Variants in GTF3C1 observed in about 807,000 individuals in gnomAD.
GTF3C1 encodes general transcription factor IIIC subunit 1, also known as general transcription factor 3C polypeptide 1.
In GTF3C1, 57 loss-of-function variants were observed where a neutral mutation model predicts 226.7. That is an observed-to-expected ratio of 0.25 (90% CI 0.20 to 0.31). The LOEUF is 0.31. Among genes scored for constraint, GTF3C1 ranks in the 10% least tolerant of loss-of-function variants. The probability of loss-of-function intolerance (pLI) is 1.00; values close to 1 mark genes in which losing one functional copy is unlikely to be tolerated. For synonymous variants in GTF3C1, 1,090 were observed against 1,084.8 expected (o/e 1.00, Z -0.09); for missense variants, 2,217 against 2,776.1 (o/e 0.80, Z 4.53).
intron 1 of GTF3C1, among the ~76,000 whole-genome samples, chr16:27,547,332 C>G (rs1378348248): frequency 2.0e-5 from 3 of 152,174 alleles, no homozygotes; most frequent in Admixed American, 2.0e-4. Context: ...TTCACTCCCA[C>G]GAAGCCAGAT....
chr16:27,488,187 A>T (rs776402661), intron 23 of GTF3C1, 40 bp downstream of exon 23: 1 of 1,570,626 alleles, frequency 6.4e-7, no homozygotes, highest in Non-Finnish European at 8.7e-7. Flanking sequence ...AAGCCAAAAC[A>T]AAGACAAGGC....
intron 17 of GTF3C1, 40 bp downstream of exon 17, chr16:27,493,159 T>G (rs1394037908): frequency 4.8e-6 from 5 of 1,048,120 alleles, no homozygotes; most frequent in South Asian, 2.5e-5. Context: ...AGGGTTTGTT[T>G]GGACCTGCGA....
rs189568549 is a variant in GTF3C1 at position 27,494,526 on chromosome 16, G to A, written c.2778+237C>T. The stretch of plus-strand genomic sequence containing the variant: ...GAGCGAGTCTTTAAAGTATTTACCC[G>A]CCAACCACCCACCCATCCACCCAAT... On this transcript the variant is annotated intron_variant, in intron 16 of 36. Transcript: ENST00000356183. Among the ~76,000 whole-genome samples, 286 of 151,314 alleles carry A rather than the reference G, an allele frequency of 1.9e-3. 2 individuals carry two copies. Among genetic ancestry groups the A allele is most frequent in the Middle Eastern group, 6.9e-3 (2 of 290 alleles).
rs1327362302 is a variant in GTF3C1 at position 27,470,461 on chromosome 16, A to G, written c.4527-66T>C. The G allele has an allele frequency of 7.9e-7, 1 of 1,269,240 alleles. No individual in the cohort carries two copies. The highest frequency in any genetic ancestry group is 2.3e-5 in the East Asian group (1 of 43,288). 78.6% of individuals were successfully genotyped at this position (1,269,240 alleles called of 1,614,324 possible). On this transcript the variant is annotated intron_variant, in intron 30 of 36. Transcript: ENST00000356183. The surrounding 1 kb of genome is among the most constrained non-coding windows in gnomAD (Gnocchi z 4.9). ...CTGTGGGAAGCCTTCATTTGGATGG[A>G]CTATGAGCACGTCAAACCATTATGG...
chr16:27,525,811 T>A (rs2088823908), intron 6 of GTF3C1, among the ~76,000 whole-genome samples: 1 of 152,264 alleles, frequency 6.6e-6, no homozygotes, highest in Non-Finnish European at 1.5e-5. Flanking sequence ...TCTTTTCTTG[T>A]ACACCTTTTG....
chr16:27,465,147 A>T, intron 33 of GTF3C1, 113 bp downstream of exon 33: 2 of 974,568 alleles, frequency 2.1e-6, no homozygotes, highest in Non-Finnish European at 3.1e-6. Context: ...TTCAACGTTT[A>T]AAAAGAACGC....
intron 2 of GTF3C1, among the ~76,000 whole-genome samples, chr16:27,539,662 G>A (rs750558200): frequency 1.6e-4 from 24 of 152,200 alleles, no homozygotes; most frequent in African/African-American, 2.4e-4. Flanking sequence ...GAAAGTTCAC[G>A]TGTTAGAAAC....
intron 1 of GTF3C1, among the ~76,000 whole-genome samples, chr16:27,548,929 G>T (rs1315816784): frequency 6.6e-6 from 1 of 152,170 alleles, no homozygotes. Context: ...CGAGAGGTGC[G>T]GATTGTCTGA....
intron 12 of GTF3C1, among the ~76,000 whole-genome samples, chr16:27,499,501 A>G (rs2088372754): frequency 6.6e-6 from 1 of 152,174 alleles, no homozygotes; most frequent in South Asian, 2.1e-4. Flanking sequence ...CTGTCTGAGC[A>G]TCCACTCTGG....
In GTF3C1 at chr16:27,483,093, G is replaced by T. The variant is rs1381855239; in HGVS notation, c.4034C>A (p.Ala1345Glu). 33 of 1,614,202 alleles carry T rather than the reference G, an allele frequency of 2.0e-5. No individual in the cohort carries two copies. Among genetic ancestry groups the T allele is most frequent in the Non-Finnish European group, 2.8e-5 (33 of 1,180,026 alleles). The change falls in exon 26 of 37, where the codon GCA becomes GAA. Residue 1345 changes from alanine (A) to glutamate (E), a missense_variant. Coordinates refer to ENST00000356183, the MANE Select transcript of GTF3C1 (RefSeq NM_001520.4). The stretch of plus-strand genomic sequence containing the variant: ...TCGATTCATGAAATCTCCAACAAGT[G>T]CTTTATCCTGGTACACCTCGGCCAG... ...VCLAEVYQDKALVGDFMNRRG... is the reference protein window; with the variant it reads ...VCLAEVYQDKELVGDFMNRRG...
intron 6 of GTF3C1, among the ~76,000 whole-genome samples, chr16:27,512,199 C>T (rs1490181808): frequency 1.3e-5 from 2 of 152,240 alleles, no homozygotes; most frequent in African/African-American, 4.8e-5. Flanking sequence ...CCTTCTCCTG[C>T]TGGAGACCAG....
chr16:27,539,454 C>T (rs1361214775), intron 2 of GTF3C1, among the ~76,000 whole-genome samples: 1 of 152,214 alleles, frequency 6.6e-6, no homozygotes, highest in Non-Finnish European at 1.5e-5. Context: ...GGAGACTCCA[C>T]CACAATGCCT....
At chr16:27,538,530 CAAT>C (rs750878679) in intron 2 of GTF3C1, among the ~76,000 whole-genome samples, 174 bp from the exon 3 acceptor site, 1 of 152,126 alleles carries the variant, frequency 6.6e-6, no homozygotes, top group African/African-American at 2.4e-5. Context: ...CTAAAAAAGA[CAAT>C]AATAATAATA....
chr16:27,544,485 AG>A (rs2089135616), intron 2 of GTF3C1, among the ~76,000 whole-genome samples: 1 of 151,840 alleles, frequency 6.6e-6, no homozygotes, highest in Admixed American at 6.6e-5. Context: ...AGGAGGAGGA[AG>A]GGATGCATCC....
Position 27,497,625 on chromosome 16 carries a change from G to A in GTF3C1, c.2350+12C>T, listed in dbSNP as rs1237942517. 3 of 1,600,160 alleles carry A rather than the reference G, an allele frequency of 1.9e-6. No individual in the cohort carries two copies. In the African/African-American group the frequency reaches 4.0e-5, roughly 21 times the overall value. ...AAATGTAACTAAACACAGACAAGAA[G>A]CTGCAGCTTACCTACAATGGGGTGA... On this transcript the variant is annotated intron_variant, in intron 14 of 36. Coordinates refer to ENST00000356183, the MANE Select transcript of GTF3C1 (RefSeq NM_001520.4).
intron 5 of GTF3C1, among the ~76,000 whole-genome samples, chr16:27,530,630 G>C (rs1165773841): frequency 6.6e-6 from 1 of 152,230 alleles, no homozygotes; most frequent in Non-Finnish European, 1.5e-5. Flanking sequence ...CCAGGGGATA[G>C]TCATGGAAGA....
In GTF3C1 at chr16:27,461,019, G is replaced by T. The variant is rs550931362; in HGVS notation, c.*331C>A. On this transcript the variant is annotated 3_prime_UTR_variant, in exon 37 of 37. Transcript: ENST00000356183. This position sits in a 1 kb window ranked among gnomAD's most constrained non-coding sequence, Gnocchi z 5.3. ...ACTCAAGGAGCCAGGAGATCCTGCCGAGATGGCTAGAGTCTGGAATGTGAG... is the reference window on the plus strand; with the variant it reads ...ACTCAAGGAGCCAGGAGATCCTGCCTAGATGGCTAGAGTCTGGAATGTGAG... 5 of 227,724 alleles carry T rather than the reference G, an allele frequency of 2.2e-5. No homozygotes were observed. In the South Asian group the frequency reaches 6.3e-4, roughly 29 times the overall value. The allele number at this position is 227,724 out of a possible 1,614,324, so 14.1% of individuals were successfully genotyped here.
intron 6 of GTF3C1, among the ~76,000 whole-genome samples, chr16:27,527,467 G>C (rs1387126515): frequency 6.6e-6 from 1 of 152,128 alleles, no homozygotes; most frequent in East Asian, 1.9e-4. Flanking sequence ...ACAGGCGTGA[G>C]CCACCGTGCC....
chr16:27,464,491 C>A lies in GTF3C1; in HGVS notation c.5701G>T (p.Ala1901Ser). The change falls in exon 34 of 37, where the codon GCT (alanine) becomes TCT (serine). Residue 1901 changes from alanine to serine, a missense_variant. Physicochemically the swap from Ala to Ser is moderately conservative, Grantham distance 99. Transcript: ENST00000356183. ...SNLAPSLGPGAEDGAEAQAPS... is the reference protein window; with the variant it reads ...SNLAPSLGPGSEDGAEAQAPS... ...GCCTGGGCTTCTGCCCCATCTTCAG[C>A]TCCGGGCCCAAGGCTGGGGGCCAAA... 1 of 1,540,752 alleles carries A rather than the reference C, an allele frequency of 6.5e-7. No individual in the cohort carries two copies. The highest frequency in any genetic ancestry group is 1.3e-5 in the South Asian group (1 of 78,918).
Sources: allele counts gnomAD v4.1 joint callset (sites outside exome capture counted in the v4.1 genomes callset), GRCh38; gene constraint gnomAD v4.1.1; non-coding constraint Gnocchi (gnomAD v3.1); transcripts MANE v1.5; gene names NCBI Gene and HGNC (gene_info 2026-07-23, HGNC 2026-07-21).